The following FGF14 variants were observed in gnomAD, a reference collection of about 807,000 sequenced individuals.
FGF14 encodes fibroblast growth factor homologous factor 4.
FGF14 carries 5 observed loss-of-function variants against 25.5 expected under a neutral mutation model. The ratio of observed to expected loss-of-function variants is 0.20; its 90% CI spans 0.10 to 0.41. The LOEUF is 0.41. Among genes scored for constraint, FGF14 ranks in the 10% least tolerant of loss-of-function variants. The pLI is 1.00. For synonymous variants in FGF14, 138 were observed against 118.3 expected (o/e 1.17, Z -1.08); for missense variants, 222 against 320.1 (o/e 0.69, Z 2.34).
intron 1 of FGF14, among the ~76,000 whole-genome samples, chr13:102,135,058 C>CAAAAAA (rs1490400588): frequency 7.2e-6 from 1 of 138,158 alleles, no homozygotes. Context: ...CACACACACA[C>CAAAAAA]ACAAATCCGC....
chr13:102,053,521 A>G (rs150926103), intron 1 of FGF14, among the ~76,000 whole-genome samples: 1 of 152,284 alleles, frequency 6.6e-6, no homozygotes, highest in East Asian at 1.9e-4. Flanking sequence ...AAATGTCTTG[A>G]GATAAACAAA....
intron 3 of FGF14, among the ~76,000 whole-genome samples, chr13:101,742,557 C>A (rs969768403): frequency 1.4e-4 from 22 of 152,092 alleles, no homozygotes; most frequent in African/African-American, 5.1e-4. Context: ...ACTTCACCTT[C>A]AAAATAAAAT....
chr13:101,782,148 G>A (rs1348472483), intron 3 of FGF14, among the ~76,000 whole-genome samples: 2 of 152,082 alleles, frequency 1.3e-5, no homozygotes, highest in African/African-American at 2.4e-5. Flanking sequence ...CTCAAAGTCA[G>A]TATTACTCTA....
chr13:102,092,663 A>G (rs1486155258), intron 1 of FGF14, among the ~76,000 whole-genome samples: 1 of 152,218 alleles, frequency 6.6e-6, no homozygotes, highest in African/African-American at 2.4e-5. Context: ...TTTTAACATG[A>G]AAGAAATAAA....
chr13:101,790,070 C>T (rs984735987), intron 3 of FGF14, among the ~76,000 whole-genome samples: 10 of 151,664 alleles, frequency 6.6e-5, no homozygotes, highest in Non-Finnish European at 1.3e-4. Context: ...TCTCTATCAT[C>T]AAATCTTATA....
chr13:102,358,453 A>C (rs1257508881), intron 1 of FGF14, among the ~76,000 whole-genome samples: 1 of 152,200 alleles, frequency 6.6e-6, no homozygotes, highest in Admixed American at 6.5e-5. Context: ...GACTGAAAAC[A>C]GTTTGGTGCC....
At chr13:101,914,266 CAT>C (rs552909928) in intron 1 of FGF14, among the ~76,000 whole-genome samples, 39 of 151,212 alleles carry the variant, frequency 2.6e-4, no homozygotes, top group East Asian at 3.9e-4. Flanking sequence ...ATTTACATAA[CAT>C]AAAGTCTTAA....
In FGF14 at chr13:101,722,165, G is replaced by C. The variant is rs1244047388; in HGVS notation, c.*666C>G. ...ATCTGCTACTGGACAGAGCGTATAT[G>C]TGTGTTTAATCGATAGTGTGAGCCA... On this transcript the variant is annotated 3_prime_UTR_variant, in exon 5 of 5. Transcript: ENST00000376143. The C allele has an allele frequency of 1.2e-5, 2 of 165,748 alleles. No individual in the cohort carries two copies. The highest frequency in any genetic ancestry group is 2.6e-5 in the Non-Finnish European group (2 of 75,868). 10.3% of individuals were successfully genotyped at this position (165,748 alleles called of 1,614,324 possible).
chr13:102,369,112 G>C (rs1396924996), intron 1 of FGF14, among the ~76,000 whole-genome samples: 1 of 152,042 alleles, frequency 6.6e-6, no homozygotes, highest in African/African-American at 2.4e-5. Flanking sequence ...GGAATCATTG[G>C]CCCATTTACA....
At chr13:102,103,847 C>T (rs984813252) in intron 1 of FGF14, among the ~76,000 whole-genome samples, 5 of 152,098 alleles carry the variant, frequency 3.3e-5, no homozygotes, top group Non-Finnish European at 5.9e-5. Context: ...GGATGATAAG[C>T]GCCAGAGGGT....
At chr13:101,864,463 T>C (rs1432695329) in intron 3 of FGF14, among the ~76,000 whole-genome samples, 1 of 152,094 alleles carries the variant, frequency 6.6e-6, no homozygotes, top group Admixed American at 6.6e-5. Context: ...CCGGCAGAAG[T>C]GAGGGAGGGT....
intron 1 of FGF14, among the ~76,000 whole-genome samples, chr13:101,903,336 C>T (rs1041326133): frequency 6.6e-6 from 1 of 151,956 alleles, no homozygotes; most frequent in Non-Finnish European, 1.5e-5. Context: ...GCTTTATTCT[C>T]TTTAAATGGG....
At chr13:102,132,511 CTTTCTTTT>C (rs2046242635) in intron 1 of FGF14, among the ~76,000 whole-genome samples, 1 of 132,160 alleles carries the variant, frequency 7.6e-6, no homozygotes. Flanking sequence ...TTCTTTCTTT[CTTTCTTTT>C]TTTTTTTTTT....
chr13:101,906,923 T>C (rs1436039859), intron 1 of FGF14, among the ~76,000 whole-genome samples: 1 of 152,134 alleles, frequency 6.6e-6, no homozygotes, highest in Admixed American at 6.6e-5. Flanking sequence ...ACGTTCCACA[T>C]AGAGAAAATG....
chr13:102,095,271 G>A (rs1472553869), intron 1 of FGF14, among the ~76,000 whole-genome samples: 2 of 152,080 alleles, frequency 1.3e-5, no homozygotes, highest in Non-Finnish European at 2.9e-5. Flanking sequence ...AAGAGCTAAT[G>A]GACCGCCAGA....
chr13:102,068,754 CACCCACT>C (rs762611827), intron 1 of FGF14, among the ~76,000 whole-genome samples: 102 of 152,346 alleles, frequency 6.7e-4, no homozygotes, highest in Non-Finnish European at 9.7e-4. Flanking sequence ...CTGAGCCTCC[CACCCACT>C]CCATGGGCTC....
intron 1 of FGF14, chr13:102,366,729 T>A (rs2057725815): frequency 6.6e-6 from 1 of 151,176 alleles, no homozygotes; most frequent in African/African-American, 2.4e-5. Context: ...AACTTCACAA[T>A]GTAATTTAAA....
chr13:102,084,339 G>T (rs115381761), intron 1 of FGF14, among the ~76,000 whole-genome samples: 1,674 of 152,120 alleles, frequency 0.011, 28 homozygotes, highest in African/African-American at 0.038. Context: ...TCTATTTTGG[G>T]TCACAGTCAT....
intron 1 of FGF14, among the ~76,000 whole-genome samples, chr13:102,302,884 C>T (rs2055146844): frequency 6.6e-6 from 1 of 152,182 alleles, no homozygotes; most frequent in East Asian, 1.9e-4. Context: ...TATTCCTACA[C>T]AATAGCCAGA....
Sources: allele counts gnomAD v4.1 joint callset (sites outside exome capture counted in the v4.1 genomes callset), GRCh38; gene constraint gnomAD v4.1.1; transcripts MANE v1.5; gene names NCBI Gene and HGNC (gene_info 2026-07-23, HGNC 2026-07-21).